CRYBG1: variants seen among roughly 807,000 people sequenced by gnomAD.
CRYBG1 encodes the protein crystallin beta-gamma domain containing 1.
Under a neutral mutation model 189.2 loss-of-function variants are expected in CRYBG1, and 139 were observed. That is an observed-to-expected ratio of 0.73 (90% CI 0.64 to 0.85). The LOEUF is 0.85. CRYBG1 is among the 40% of genes least tolerant of loss of function. The probability of loss-of-function intolerance (pLI) is 0.00; values close to 1 mark genes in which losing one functional copy is unlikely to be tolerated. For missense variants in CRYBG1, 2,611 were observed against 2,675.8 expected (o/e 0.98, Z 0.53); for synonymous variants, 1,023 against 1,017.1 (o/e 1.01, Z -0.11).
In CRYBG1 at chr6:106,523,859, G is replaced by A. The variant is rs185595644; in HGVS notation, c.4246-1274G>A. On this transcript the variant is annotated intron_variant, in intron 4 of 21. Coordinates refer to ENST00000633556, the MANE Select transcript of CRYBG1 (RefSeq NM_001371242.2). ...CGATTTTCATGTCTCAGCCTCCCAAGTAGCTGGGATTATAAGTGAGTGCCA... is the reference window on the plus strand; with the variant it reads ...CGATTTTCATGTCTCAGCCTCCCAAATAGCTGGGATTATAAGTGAGTGCCA... 3.7e-3 allele frequency among the ~76,000 whole-genome samples: 569 copies of A among 152,016 alleles called. 2 individuals carry two copies. The highest frequency in any genetic ancestry group is 0.017 in the South Asian group (84 of 4,814).
Position 106,512,154 on chromosome 6 carries a change from C to T in CRYBG1, c.1037C>T (p.Pro346Leu), listed in dbSNP as rs1276735363. The T allele has an allele frequency of 1.3e-6, 2 of 1,534,384 alleles. No individual in the cohort carries two copies. Among genetic ancestry groups the T allele is most frequent in the Admixed American group, 3.9e-5 (2 of 50,920 alleles). The change falls in exon 3 of 22, where the codon CCT (proline) becomes CTT (leucine). Residue 346 changes from proline (P) to leucine (L), a missense_variant. This residue lies in a region of CRYBG1 where 985 missense variants were observed against 924.4 expected (regional missense o/e 1.07). Transcript: ENST00000633556. ...PKGASDLPGE[P>L]PAEGAAHTAS... ...GGCGCGTCTGATTTGCCAGGTGAGC[C>T]TCCGGCCGAGGGCGCAGCGCACACG...
chr6:106,393,398 T>C (rs1461277268), intron 1 of CRYBG1, among the ~76,000 whole-genome samples: 6 of 119,388 alleles, frequency 5.0e-5, no homozygotes, highest in African/African-American at 2.0e-4. Flanking sequence ...AACGCTAACA[T>C]AGTGGTGAGC....
chr6:106,498,549 G>A (rs17321354), intron 2 of CRYBG1, among the ~76,000 whole-genome samples: 21,375 of 152,172 alleles, frequency 0.14, 1,543 homozygotes, highest in East Asian at 0.17. Flanking sequence ...AACAACTGTA[G>A]CAATTGTGGT....
intron 1 of CRYBG1, among the ~76,000 whole-genome samples, chr6:106,418,265 C>T (rs1322813827): frequency 6.6e-6 from 1 of 152,176 alleles, no homozygotes; most frequent in Non-Finnish European, 1.5e-5. Flanking sequence ...TTGGAAAAGG[C>T]AACATTCAAT....
At chr6:106,414,269 A>G (rs966560969) in intron 1 of CRYBG1, among the ~76,000 whole-genome samples, 2 of 152,256 alleles carry the variant, frequency 1.3e-5, no homozygotes, top group East Asian at 3.8e-4. Flanking sequence ...GATGCTTAGC[A>G]ACATATCTGG....
chr6:106,455,094 G>A (rs1458922200), intron 2 of CRYBG1, among the ~76,000 whole-genome samples: 1 of 152,078 alleles, frequency 6.6e-6, no homozygotes, highest in African/African-American at 2.4e-5. Context: ...AATCATCAGG[G>A]ATTGTATATT....
intron 2 of CRYBG1, among the ~76,000 whole-genome samples, chr6:106,488,274 A>G (rs6902407): frequency 0.12 from 17,551 of 152,108 alleles, 1,225 homozygotes; most frequent in East Asian, 0.27. Context: ...TCTGGGTCAG[A>G]TGCGTATAGG....
Position 106,512,418 on chromosome 6 carries a change from A to ACG in CRYBG1, c.1303_1304dup (p.Glu436ProfsTer33), listed in dbSNP as rs1773296978. The ACG allele has an allele frequency of 6.2e-7, 1 of 1,608,572 alleles. No individual in the cohort carries two copies. The highest frequency in any genetic ancestry group is 8.5e-7 in the Non-Finnish European group (1 of 1,178,290). The stretch of plus-strand genomic sequence containing the variant: ...AAATCCACCGACTCCCCCGGCGCGG[A>ACG]CGCCGAGCTCCCTGAGAGCGCTGCC... On this transcript the variant is annotated frameshift_variant, in exon 3 of 22. Transcript: ENST00000633556. LOFTEE classifies it high-confidence loss of function.
intron 1 of CRYBG1, among the ~76,000 whole-genome samples, chr6:106,377,649 T>TATATATATATATATATATA (rs1311795670): frequency 3.1e-5 from 4 of 129,916 alleles, no homozygotes; most frequent in African/African-American, 1.1e-4. Flanking sequence ...ATATATATAT[T>TATATATATATATATATATA]TTCATTTGCA....
chr6:106,432,348 T>C (rs1379439348), intron 1 of CRYBG1, among the ~76,000 whole-genome samples: 1 of 152,226 alleles, frequency 6.6e-6, no homozygotes, highest in African/African-American at 2.4e-5. Context: ...AATAAGATTA[T>C]ATAGTTTGAA....
chr6:106,432,693 C>T (rs1390463053), intron 1 of CRYBG1, among the ~76,000 whole-genome samples: 1 of 152,212 alleles, frequency 6.6e-6, no homozygotes. Flanking sequence ...GCAATGTGCC[C>T]ACCACGTGCA....
intron 1 of CRYBG1, among the ~76,000 whole-genome samples, chr6:106,375,875 C>G (rs1011188125): frequency 1.3e-5 from 2 of 152,120 alleles, no homozygotes; most frequent in African/African-American, 2.4e-5. Context: ...ATGTTTTTTC[C>G]TATATACATG....
intron 2 of CRYBG1, among the ~76,000 whole-genome samples, chr6:106,494,936 G>C (rs191018589): frequency 4.4e-4 from 67 of 152,160 alleles, no homozygotes; most frequent in Middle Eastern, 3.4e-3. Context: ...CACCAGAGAA[G>C]GAAAATCAAA....
At chr6:106,542,483 T>A (rs190541466) in intron 10 of CRYBG1, among the ~76,000 whole-genome samples, 1 of 151,814 alleles carries the variant, frequency 6.6e-6, no homozygotes, top group Admixed American at 6.5e-5. Context: ...TTTCACCATA[T>A]TGCCCAGGTT....
At chr6:106,420,204 A>G (rs1771097221) in intron 1 of CRYBG1, among the ~76,000 whole-genome samples, 1 of 152,200 alleles carries the variant, frequency 6.6e-6, no homozygotes, top group South Asian at 2.1e-4. Flanking sequence ...GAAAAAATAT[A>G]AGCATACAGG....
At chr6:106,491,653 T>C (rs574651622) in intron 2 of CRYBG1, among the ~76,000 whole-genome samples, 6 of 152,196 alleles carry the variant, frequency 3.9e-5, no homozygotes, top group African/African-American at 1.4e-4. Context: ...TTTTCCTCCC[T>C]CCATTTCCAT....
intron 1 of CRYBG1, among the ~76,000 whole-genome samples, chr6:106,423,113 A>G (rs1771159138): frequency 6.6e-6 from 1 of 152,212 alleles, no homozygotes; most frequent in Admixed American, 6.5e-5. Flanking sequence ...TTTACCTTTT[A>G]ATGAATGATC....
intron 3 of CRYBG1, among the ~76,000 whole-genome samples, 159 bp from the exon 4 acceptor site, chr6:106,518,972 T>TGC (rs1203558454): frequency 0.022 from 721 of 32,262 alleles, 9 homozygotes; most frequent in African/African-American, 0.051. Context: ...AACACATGTG[T>TGC]GCGCACACAC....
intron 1 of CRYBG1, among the ~76,000 whole-genome samples, chr6:106,429,140 T>C (rs1771280039): frequency 6.6e-6 from 1 of 152,248 alleles, no homozygotes; most frequent in Non-Finnish European, 1.5e-5. Context: ...TATTTTCCTT[T>C]CATTTCCTTC....
Sources: allele counts gnomAD v4.1 joint callset (sites outside exome capture counted in the v4.1 genomes callset), GRCh38; gene constraint gnomAD v4.1.1; regional missense constraint gnomAD v4.1.1; transcripts MANE v1.5; gene names NCBI Gene and HGNC (gene_info 2026-07-23, HGNC 2026-07-21).